Variants in FBXO4 observed in about 807,000 individuals in gnomAD.
FBXO4 encodes F-box only protein 4.
In FBXO4, 36 loss-of-function variants were observed where a neutral mutation model predicts 43.7. The observed-to-expected ratio is 0.82, with a 90% CI of 0.63 to 1.09. The LOEUF (loss-of-function observed/expected upper bound fraction) is 1.09. FBXO4 is among the 50% of genes least tolerant of loss of function. The pLI is 0.00. For synonymous variants in FBXO4, 180 were observed against 165.6 expected (o/e 1.09, Z -0.67); for missense variants, 435 against 474.1 (o/e 0.92, Z 0.77).
At chr5:41,957,515 T>C in the FBXO4 span, among the ~76,000 whole-genome samples, 11,886 of 149,786 alleles carry the variant, frequency 0.079, 675 homozygotes, top group African/African-American at 0.16. Context: ...ATTATTAGTA[T>C]GCTGAATATT....
At chr5:41,963,784 A>G in the FBXO4 span, 1 of 152,216 alleles carries the variant, frequency 6.6e-6, no homozygotes, top group Admixed American at 6.6e-5. Flanking sequence ...GAGATGGAAT[A>G]AAATCCATGT....
At chr5:42,032,130 GACACA>G in the FBXO4 span, among the ~76,000 whole-genome samples, 1 of 150,824 alleles carries the variant, frequency 6.6e-6, no homozygotes, top group Non-Finnish European at 1.5e-5. Flanking sequence ...GGGGTGGAGT[GACACA>G]ATCACCCCTG....
the FBXO4 span, among the ~76,000 whole-genome samples, chr5:41,975,698 T>G: frequency 6.6e-6 from 1 of 152,230 alleles, no homozygotes; most frequent in South Asian, 2.1e-4. Context: ...AACATAAAAT[T>G]TAACATCTTA....
chr5:41,965,186 A>T, the FBXO4 span, among the ~76,000 whole-genome samples: 31 of 152,278 alleles, frequency 2.0e-4, no homozygotes, highest in East Asian at 9.7e-4. Context: ...CAAAGATCAG[A>T]TGGTTGTAGA....
chr5:41,938,280 CATA>C (rs1439768507), intron 5 of FBXO4, among the ~76,000 whole-genome samples: 1 of 152,004 alleles, frequency 6.6e-6, no homozygotes, highest in Non-Finnish European at 1.5e-5. Flanking sequence ...TGTGAAATGG[CATA>C]ATATTTAAAG....
chr5:41,962,445 A>G, the FBXO4 span, among the ~76,000 whole-genome samples: 1 of 152,134 alleles, frequency 6.6e-6, no homozygotes, highest in Non-Finnish European at 1.5e-5. Flanking sequence ...TGTTGCCTGA[A>G]GACTCCAGCA....
chr5:41,939,716 C>G (rs764618722), intron 6 of FBXO4, 100 bp downstream of exon 6: 3 of 972,126 alleles, frequency 3.1e-6, no homozygotes, highest in Non-Finnish European at 4.4e-6. Flanking sequence ...AAATGGCATT[C>G]TAAAGTCAAT....
the FBXO4 span, among the ~76,000 whole-genome samples, chr5:41,958,045 A>G: frequency 1.3e-5 from 2 of 152,114 alleles, no homozygotes; most frequent in Non-Finnish European, 2.9e-5. Context: ...GCATTGTAGA[A>G]TGGCTAAATC....
the FBXO4 span, among the ~76,000 whole-genome samples, chr5:42,020,144 A>G: frequency 6.6e-6 from 1 of 152,170 alleles, no homozygotes; most frequent in East Asian, 1.9e-4. Context: ...TAATGGAATC[A>G]AGAAATAGTG....
chr5:42,019,145 G>A, the FBXO4 span, among the ~76,000 whole-genome samples: 1 of 152,042 alleles, frequency 6.6e-6, no homozygotes, highest in African/African-American at 2.4e-5. Context: ...CAACTTATAT[G>A]CAATCTAAAT....
At chr5:41,958,139 T>A in the FBXO4 span, among the ~76,000 whole-genome samples, 1 of 149,822 alleles carries the variant, frequency 6.7e-6, no homozygotes, top group Non-Finnish European at 1.5e-5. Flanking sequence ...AAATTTTTTT[T>A]TTTTTTTTTT....
At chr5:42,038,112 T>A in the FBXO4 span, among the ~76,000 whole-genome samples, 1 of 152,096 alleles carries the variant, frequency 6.6e-6, no homozygotes, top group Non-Finnish European at 1.5e-5. Flanking sequence ...TCCAGGAGCA[T>A]TTTGCTGCCT....
At chr5:41,953,029 G>A in the FBXO4 span, among the ~76,000 whole-genome samples, 2 of 151,278 alleles carry the variant, frequency 1.3e-5, no homozygotes, top group South Asian at 2.1e-4. Flanking sequence ...AAGTTTTAGG[G>A]TACATGTGCA....
At chr5:41,967,338 G>T in the FBXO4 span, 1 of 454,934 alleles carries the variant, frequency 2.2e-6, no homozygotes, top group South Asian at 1.9e-5. Context: ...CTTAGGTTTA[G>T]CAGTTACAGG....
chr5:41,999,224 G>A, the FBXO4 span, among the ~76,000 whole-genome samples: 244 of 151,248 alleles, frequency 1.6e-3, no homozygotes, highest in Non-Finnish European at 3.0e-3. Context: ...ACTATTAGAA[G>A]TAGAGACCTT....
At chr5:41,951,137 A>G in the FBXO4 span, among the ~76,000 whole-genome samples, 2 of 152,126 alleles carry the variant, frequency 1.3e-5, no homozygotes. Context: ...GGTGCAGCAA[A>G]CCACCATGGC....
chr5:41,964,592 GT>G, the FBXO4 span, among the ~76,000 whole-genome samples: 4,106 of 135,712 alleles, frequency 0.03, 123 homozygotes, highest in Admixed American at 0.09. Flanking sequence ...CAAGCCAAGT[GT>G]TTTTTTTTTT....
At chr5:42,007,424 G>A in the FBXO4 span, among the ~76,000 whole-genome samples, 1 of 152,006 alleles carries the variant, frequency 6.6e-6, no homozygotes, top group African/African-American at 2.4e-5. Context: ...TCTAAGACGT[G>A]TAAATTTGCA....
At chr5:42,023,254 A>T in the FBXO4 span, among the ~76,000 whole-genome samples, 1 of 152,116 alleles carries the variant, frequency 6.6e-6, no homozygotes, top group African/African-American at 2.4e-5. Context: ...GATATATTAT[A>T]CATCTCTAAC....
Sources: allele counts gnomAD v4.1 joint callset (sites outside exome capture counted in the v4.1 genomes callset), GRCh38; gene constraint gnomAD v4.1.1; transcripts MANE v1.5; gene names NCBI Gene and HGNC (gene_info 2026-07-23, HGNC 2026-07-21).